Variants in SNX27 observed in about 807,000 individuals in gnomAD.
The protein encoded by SNX27 is sorting nexin 27, also known as sorting nexin-27.
SNX27 carries 22 observed loss-of-function variants against 71.6 expected under a neutral mutation model. That is an observed-to-expected ratio of 0.31 (90% confidence interval 0.22 to 0.44). The LOEUF (loss-of-function observed/expected upper bound fraction) is 0.44. SNX27 is among the 20% of genes least tolerant of loss of function. SNX27 has a pLI of 1.00. For synonymous variants in SNX27, 269 were observed against 277.2 expected, an observed-to-expected ratio of 0.97 and a Z score of 0.29; for missense variants, 531 against 698.6, an observed-to-expected ratio of 0.76 and a Z score of 2.70.
At chr1:151,652,348 G>T (rs773423336) in intron 2 of SNX27, among the ~76,000 whole-genome samples, 1 of 150,426 alleles carries the variant, frequency 6.6e-6, no homozygotes, top group Non-Finnish European at 1.5e-5. Flanking sequence ...TTCCTCAGCT[G>T]TGTCCAGTCT....
rs956911611 is a variant in SNX27, at chr1:151,665,877, C to G, written c.907-56C>G. ...TCCACAGACATACACCTGCTTTTTC[C>G]TACAGCATTGTCTGACTTAATTTTC... On this transcript the variant is annotated intron_variant, in intron 5 of 11. Transcript: ENST00000458013. 4 of 1,445,890 alleles carry G rather than the reference C, an allele frequency of 2.8e-6. No individual in the cohort carries two copies. In the African/African-American group the frequency reaches 5.6e-5, roughly 20 times the overall value. 89.6% of individuals were successfully genotyped at this position (1,445,890 alleles called of 1,614,324 possible). A position where few individuals can be genotyped will look rare whatever the true frequency, so the allele number is the denominator to read the frequency against.
intron 2 of SNX27, among the ~76,000 whole-genome samples, chr1:151,647,370 G>C (rs1669096750): frequency 6.7e-6 from 1 of 149,720 alleles, no homozygotes; most frequent in Admixed American, 6.7e-5. Context: ...GGCTGGTCTC[G>C]AACTCCTGAC....
chr1:151,651,807 G>A (rs1377377717), intron 2 of SNX27, among the ~76,000 whole-genome samples: 6 of 151,644 alleles, frequency 4.0e-5, no homozygotes, highest in East Asian at 2.0e-4. Context: ...GGTGGCGGCC[G>A]GGCAGAGGCT....
Position 151,683,352 on chromosome 1 carries a change from A to C in SNX27, c.1150-4A>C, listed in dbSNP as rs746469264. The C allele has an allele frequency of 2.0e-5, 32 of 1,609,534 alleles. No individual in the cohort carries two copies. Among genetic ancestry groups the C allele is most frequent in the Non-Finnish European group, 2.2e-5 (26 of 1,178,210 alleles). On this transcript the variant is annotated splice_polypyrimidine_tract_variant and splice_region_variant and intron_variant, in intron 7 of 11. Coordinates refer to ENST00000458013, the MANE Select transcript of SNX27 (RefSeq NM_001330723.2). ...TTTCTGCTCTACTTCTGTTTTGGTG[A>C]TAGGCAGTCGATGATGTGAAGAAAG...
chr1:151,652,016 A>T (rs942412404), intron 2 of SNX27, among the ~76,000 whole-genome samples: 1 of 152,332 alleles, frequency 6.6e-6, no homozygotes, highest in African/African-American at 2.4e-5. Context: ...CTCGGCCAAC[A>T]CAGCGAAACC....
intron 1 of SNX27, among the ~76,000 whole-genome samples, chr1:151,617,878 GTT>G (rs35075644): frequency 0.51 from 59,497 of 116,110 alleles, 15,903 homozygotes; most frequent in Non-Finnish European, 0.64. Flanking sequence ...TTTTAGAGCT[GTT>G]TTTTTTTTTT....
At chr1:151,641,865 GATAT>G in intron 2 of SNX27, among the ~76,000 whole-genome samples, 1 of 134,886 alleles carries the variant, frequency 7.4e-6, no homozygotes, top group East Asian at 2.1e-4. Context: ...ATCAGCTATA[GATAT>G]ATATGATATA....
chr1:151,651,199 C>T (rs373935590), intron 2 of SNX27, among the ~76,000 whole-genome samples: 28,656 of 150,750 alleles, frequency 0.19, 3,059 homozygotes, highest in Middle Eastern at 0.34. Context: ...CGCCCCTCAC[C>T]TCCCGGGCGG....
At chr1:151,633,038 A>AT (rs1668312675) in intron 1 of SNX27, among the ~76,000 whole-genome samples, 1 of 151,572 alleles carries the variant, frequency 6.6e-6, no homozygotes, top group South Asian at 2.1e-4. Context: ...CGCCTGGCTA[A>AT]TTTTTTTGTA....
rs572811406 is a variant in SNX27, at chr1:151,617,535, C to T, written c.311+5023C>T. Among the ~76,000 whole-genome samples, 275 of 152,320 alleles carry T rather than the reference C, an allele frequency of 1.8e-3. 1 individual carries two copies. The highest frequency in any genetic ancestry group is 6.3e-3 in the African/African-American group (263 of 41,584). On this transcript the variant is annotated intron_variant, in intron 1 of 11. Transcript: ENST00000458013. ...CCCACCTCAGGTGATCAGCCCGCCTCGGCCTCCCAAAGTGCTGGGATTACA... is the reference window on the plus strand; with the variant it reads ...CCCACCTCAGGTGATCAGCCCGCCTTGGCCTCCCAAAGTGCTGGGATTACA...
chr1:151,664,718 T>A (rs1670114661), intron 5 of SNX27, among the ~76,000 whole-genome samples: 1 of 152,120 alleles, frequency 6.6e-6, no homozygotes, highest in Non-Finnish European at 1.5e-5. Context: ...TTATGGCAAA[T>A]GATATATGCA....
intron 7 of SNX27, among the ~76,000 whole-genome samples, chr1:151,674,008 T>C (rs750666468): frequency 7.2e-5 from 11 of 152,148 alleles, no homozygotes; most frequent in Non-Finnish European, 1.0e-4. Flanking sequence ...TGTATGTCTG[T>C]TGATTGAAGA....
At chr1:151,668,364 T>C in intron 6 of SNX27, 108 bp from the exon 7 acceptor site, 1 of 1,011,892 alleles carries the variant, frequency 9.9e-7, no homozygotes, top group South Asian at 1.9e-5. Context: ...TGAGATGATG[T>C]TCTGGTTAAT....
At chr1:151,618,113 A>C (rs1009634765) in intron 1 of SNX27, among the ~76,000 whole-genome samples, 44 of 149,046 alleles carry the variant, frequency 3.0e-4, no homozygotes, top group African/African-American at 1.0e-3. Flanking sequence ...TGATCTGCCC[A>C]CTTTGGCCTC....
At chr1:151,665,421 CAAAA>C (rs1255910694) in intron 5 of SNX27, among the ~76,000 whole-genome samples, 1 of 151,996 alleles carries the variant, frequency 6.6e-6, no homozygotes, top group East Asian at 1.9e-4. Flanking sequence ...AAAAAGTAAA[CAAAA>C]AAATTTTGTT....
chr1:151,693,279 C>A lies in SNX27; in HGVS notation c.1519-145C>A, dbSNP rs1157534900. The A allele has an allele frequency of 4.2e-6, 4 of 946,564 alleles. No homozygotes were observed. The African/African-American group carries it at 5.0e-5, about 12-fold the overall frequency. 58.6% of individuals were successfully genotyped at this position (946,564 alleles called of 1,614,324 possible). A position where few individuals can be genotyped will look rare whatever the true frequency, so the allele number is the denominator to read the frequency against. On this transcript the variant is annotated intron_variant, in intron 10 of 11. Coordinates refer to ENST00000458013, the MANE Select transcript of SNX27 (RefSeq NM_001330723.2). Reference sequence around the variant, plus strand: ...AAGGAGCTAGAGAATAGTGGATGAACCAGGCCTGGGTTTTATGGTACTTGT... The same window carrying A: ...AAGGAGCTAGAGAATAGTGGATGAAACAGGCCTGGGTTTTATGGTACTTGT...
chr1:151,625,532 ATATTGG>A (rs980240436), intron 1 of SNX27, among the ~76,000 whole-genome samples: 1 of 151,374 alleles, frequency 6.6e-6, no homozygotes, highest in Non-Finnish European at 1.5e-5. Context: ...AAATAAAAAA[ATATTGG>A]TATAAAGGTT....
chr1:151,669,701 G>A (rs555607620), intron 7 of SNX27, among the ~76,000 whole-genome samples: 15 of 152,138 alleles, frequency 9.9e-5, no homozygotes, highest in African/African-American at 3.6e-4. Flanking sequence ...TATTTTTGTA[G>A]GATACATTTT....
intron 8 of SNX27, 87 bp downstream of exon 8, chr1:151,683,532 A>G (rs1489513946): frequency 5.1e-6 from 5 of 976,888 alleles, no homozygotes; most frequent in South Asian, 3.2e-5. Flanking sequence ...AAGGATTACA[A>G]CCTGGTTAGT....
Sources: allele counts gnomAD v4.1 joint callset (sites outside exome capture counted in the v4.1 genomes callset), GRCh38; gene constraint gnomAD v4.1.1; transcripts MANE v1.5; gene names NCBI Gene and HGNC (gene_info 2026-07-23, HGNC 2026-07-21).